The following RPH3AL variants were observed in gnomAD, a reference collection of about 807,000 sequenced individuals.
RPH3AL encodes the protein rabphilin 3A like (without C2 domains), also known as rab effector Noc2.
RPH3AL carries 38 observed loss-of-function variants against 43.1 expected under a neutral mutation model. The ratio of observed to expected loss-of-function variants is 0.88; its 90% CI spans 0.68 to 1.15. The LOEUF (loss-of-function observed/expected upper bound fraction) is 1.15. Among genes scored for constraint, RPH3AL ranks in the 50% most tolerant of loss-of-function variants. RPH3AL has a pLI of 0.00. For missense variants in RPH3AL, 462 were observed against 423.2 expected, an observed-to-expected ratio of 1.09 and a Z score of -0.81; for synonymous variants, 189 against 176.3, an observed-to-expected ratio of 1.07 and a Z score of -0.57.
intron 6 of RPH3AL, among the ~76,000 whole-genome samples, chr17:263,978 AG>A (rs2042260406): frequency 6.6e-6 from 1 of 152,138 alleles, no homozygotes; most frequent in Non-Finnish European, 1.5e-5. Flanking sequence ...GCAGGAAACA[AG>A]GGCCTGAGGG....
rs1203530257 is a variant in RPH3AL, at chr17:225,115, G to GGA, written c.614-5380_614-5379insTC. On this transcript the variant is annotated intron_variant, in intron 7 of 9. Coordinates refer to ENST00000331302, the MANE Select transcript of RPH3AL (RefSeq NM_006987.4). This position sits in a 1 kb window ranked among gnomAD's most constrained non-coding sequence, Gnocchi z 4.4. ...GTACCCTAGAACTTAAAATATAATG[G>GGA]AAAAAAAAAAAAAAAGAGTGATGAG... Among the ~76,000 whole-genome samples the GGA allele has an allele frequency of 3.6e-5, 5 of 139,158 alleles. No homozygotes were observed. Among genetic ancestry groups the GGA allele is most frequent in the Admixed American group, 1.4e-4 (2 of 13,926 alleles). 91.3% of individuals were successfully genotyped at this position (139,158 alleles called of 152,430 possible). A position where few individuals can be genotyped will look rare whatever the true frequency, so the allele number is the denominator to read the frequency against.
chr17:330,605 G>T (rs1177472709), intron 2 of RPH3AL, among the ~76,000 whole-genome samples: 4 of 152,208 alleles, frequency 2.6e-5, no homozygotes, highest in African/African-American at 9.7e-5. Context: ...CCCACACGGG[G>T]TGGCTCACGC....
intron 5 of RPH3AL, among the ~76,000 whole-genome samples, chr17:304,432 C>G (rs1002404501): frequency 1.3e-5 from 2 of 152,066 alleles, no homozygotes; most frequent in African/African-American, 2.4e-5. Flanking sequence ...AAAATTCCGT[C>G]GAGAGGAAAC....
intron 5 of RPH3AL, among the ~76,000 whole-genome samples, chr17:311,752 T>C (rs1349224184): frequency 6.6e-6 from 1 of 152,212 alleles, no homozygotes; most frequent in Non-Finnish European, 1.5e-5. Flanking sequence ...GCTGGAGAGC[T>C]ACAAAGGCTT....
chr17:306,919 A>C (rs2043502480), intron 5 of RPH3AL, among the ~76,000 whole-genome samples: 2 of 149,658 alleles, frequency 1.3e-5, no homozygotes, highest in South Asian at 2.1e-4. Flanking sequence ...CGATGCCCCC[A>C]CACTTCCTGG....
chr17:268,641 G>C (rs2042381716), intron 6 of RPH3AL, among the ~76,000 whole-genome samples: 1 of 131,058 alleles, frequency 7.6e-6, no homozygotes, highest in South Asian at 2.6e-4. Flanking sequence ...GCTCACTGCA[G>C]CCTCCGCCTC....
In RPH3AL at chr17:303,176, T is replaced by A. The variant is rs143256088; in HGVS notation, c.351+16244A>T. On this transcript the variant is annotated intron_variant, in intron 5 of 9. Transcript: ENST00000331302. ...CAGTTTCAGAGGCTGAGCAGGAGGA[T>A]CGCCTGAGGAGTCTGAGGCAGCCTG... Among the ~76,000 whole-genome samples the A allele has an allele frequency of 8.6e-3, 1,313 of 152,196 alleles. 15 individuals are homozygous for A. Among genetic ancestry groups the A allele is most frequent in the Non-Finnish European group, 0.014 (940 of 67,990 alleles).
chr17:258,043 C>G (rs1391015097), intron 6 of RPH3AL, among the ~76,000 whole-genome samples: 1 of 152,248 alleles, frequency 6.6e-6, no homozygotes, highest in African/African-American at 2.4e-5. Flanking sequence ...CTCAGCATCA[C>G]TTCTTCAGGG....
chr17:295,139 A>G (rs1598034113), intron 5 of RPH3AL, among the ~76,000 whole-genome samples: 2 of 131,822 alleles, frequency 1.5e-5, no homozygotes, highest in South Asian at 2.7e-4. Flanking sequence ...TGTGGGAGGG[A>G]CAGAGGGAAT....
At chr17:331,755 T>C in intron 2 of RPH3AL, 2 of 1,289,082 alleles carry the variant, frequency 1.6e-6, no homozygotes, top group Non-Finnish European at 2.0e-6. Context: ...AGCACTCACC[T>C]CTTGGGCTCA....
intron 4 of RPH3AL, among the ~76,000 whole-genome samples, chr17:320,292 G>A (rs1355031328): frequency 2.7e-5 from 4 of 150,542 alleles, no homozygotes; most frequent in Non-Finnish European, 4.4e-5. Context: ...CGGAGAACAC[G>A]TGGACTCACA....
intron 1 of RPH3AL, chr17:341,377 A>G (rs2045116169): frequency 6.6e-6 from 1 of 152,112 alleles, no homozygotes; most frequent in Non-Finnish European, 1.5e-5. Flanking sequence ...CTGACTTTCA[A>G]CAAGGATGCC....
intron 5 of RPH3AL, 65 bp from the exon 6 acceptor site, chr17:281,919 G>A: frequency 8.2e-7 from 1 of 1,221,414 alleles, no homozygotes; most frequent in Non-Finnish European, 1.2e-6. Context: ...GAGGGGCTCA[G>A]ACAACTGTAA....
intron 7 of RPH3AL, among the ~76,000 whole-genome samples, chr17:240,402 G>A (rs1413910731): frequency 6.6e-6 from 1 of 152,110 alleles, no homozygotes; most frequent in Non-Finnish European, 1.5e-5. Flanking sequence ...TCTAGTTTCA[G>A]ACCATTTGCA....
At chr17:266,649 T>G (rs1466234122) in intron 6 of RPH3AL, among the ~76,000 whole-genome samples, 2 of 152,228 alleles carry the variant, frequency 1.3e-5, no homozygotes, top group Non-Finnish European at 2.9e-5. Context: ...AAGTGGGTTT[T>G]TGAGCAACCA....
At chr17:316,838 G>C (rs1598110534) in intron 5 of RPH3AL, among the ~76,000 whole-genome samples, 1 of 120,974 alleles carries the variant, frequency 8.3e-6, no homozygotes. Context: ...TGTAGTCCCT[G>C]TGACTCCACC....
chr17:219,600 C>G, intron 8 of RPH3AL, 23 bp downstream of exon 8: 2 of 1,464,254 alleles, frequency 1.4e-6, no homozygotes, highest in Non-Finnish European at 1.9e-6. Flanking sequence ...GGCCAATAAG[C>G]AGCATTTCAC....
Position 347,021 on chromosome 17 carries a change from G to C in RPH3AL, c.-213+5691C>G, listed in dbSNP as rs2045249132. Among the ~76,000 whole-genome samples, 2 of 135,340 alleles carry C rather than the reference G, an allele frequency of 1.5e-5. 1 individual carries two copies. The highest frequency in any genetic ancestry group is 3.4e-5 in the Non-Finnish European group (2 of 59,454). 88.8% of individuals were successfully genotyped at this position (135,340 alleles called of 152,430 possible). ...CGCCTGTAATCCCAGCACTTTGGGA[G>C]GCCGAGGCGGGAGGATCACGAGGTC... On this transcript the variant is annotated intron_variant, in intron 1 of 9. Transcript: ENST00000331302.
At position 245,191 on chromosome 17, in the gene RPH3AL, G is replaced by A. The variant is rs2041723584; in HGVS notation, c.613+1920C>T. On this transcript the variant is annotated intron_variant, in intron 7 of 9. Coordinates refer to ENST00000331302, the MANE Select transcript of RPH3AL (RefSeq NM_006987.4). This position sits in a 1 kb window ranked among gnomAD's most constrained non-coding sequence, Gnocchi z 5.9. ...TGTCTGTGTGTACGTGGATGTCTGTGTGTGTGGATGTGAGCGTGTGTGTCC... is the reference window on the plus strand; with the variant it reads ...TGTCTGTGTGTACGTGGATGTCTGTATGTGTGGATGTGAGCGTGTGTGTCC... Among the ~76,000 whole-genome samples, 5 of 151,656 alleles carry A rather than the reference G, an allele frequency of 3.3e-5. No individual in the cohort carries two copies. The highest frequency in any genetic ancestry group is 1.3e-4 in the Admixed American group (2 of 15,232).
Sources: gnomAD v4.1 joint callset for allele counts (sites outside exome capture counted in the v4.1 genomes callset) on GRCh38, gnomAD v4.1.1 for gene constraint, Gnocchi (gnomAD v3.1) non-coding constraint, MANE v1.5 for transcripts, NCBI Gene and HGNC (gene_info 2026-07-23, HGNC 2026-07-21) for gene names.